Variants in GRIA1 observed in about 807,000 individuals in gnomAD.
GRIA1 encodes the protein glutamate receptor 1.
GRIA1 carries 31 observed loss-of-function variants against 99.2 expected under a neutral mutation model. The observed-to-expected ratio is 0.31, with a 90% CI of 0.23 to 0.42. The LOEUF is 0.42. Among genes scored for constraint, GRIA1 ranks in the 10% least tolerant of loss-of-function variants. The pLI is 1.00. For synonymous variants in GRIA1, 438 were observed against 432.4 expected, an observed-to-expected ratio of 1.01 and a Z score of -0.16; for missense variants, 782 against 1,157.5, an observed-to-expected ratio of 0.68 and a Z score of 4.71.
At chr5:153,672,486 G>A (rs909205535) in intron 5 of GRIA1, among the ~76,000 whole-genome samples, 1 of 152,114 alleles carries the variant, frequency 6.6e-6, no homozygotes, top group African/African-American at 2.4e-5. Flanking sequence ...AAATGGAAAG[G>A]AGCCAGACAG....
At chr5:153,777,500 C>T (rs2149630660) in intron 13 of GRIA1, among the ~76,000 whole-genome samples, 1 of 152,228 alleles carries the variant, frequency 6.6e-6, no homozygotes, top group East Asian at 1.9e-4. Flanking sequence ...TGTGCAGCTG[C>T]TTTGATGATC....
intron 2 of GRIA1, among the ~76,000 whole-genome samples, chr5:153,502,205 G>A (rs1218648582): frequency 2.6e-5 from 4 of 152,140 alleles, no homozygotes; most frequent in Admixed American, 6.5e-5. Flanking sequence ...ACTTGAACAC[G>A]TGTCTTACCT....
chr5:153,766,661 G>T (rs925144342), intron 12 of GRIA1, among the ~76,000 whole-genome samples: 3 of 152,166 alleles, frequency 2.0e-5, no homozygotes, highest in Non-Finnish European at 4.4e-5. Context: ...TCTTAATGTG[G>T]TGGTGTCATT....
chr5:153,538,558 G>T (rs1485355357), intron 2 of GRIA1, among the ~76,000 whole-genome samples: 1 of 152,062 alleles, frequency 6.6e-6, no homozygotes, highest in Non-Finnish European at 1.5e-5. Flanking sequence ...AGAATAGGTG[G>T]CTCTTAGTCA....
intron 2 of GRIA1, among the ~76,000 whole-genome samples, chr5:153,633,846 A>G (rs1753148504): frequency 6.6e-6 from 1 of 152,236 alleles, no homozygotes; most frequent in Non-Finnish European, 1.5e-5. Context: ...GACATGTTTC[A>G]GTGCCTCCCA....
At chr5:153,711,587 C>A (rs1293543638) in intron 11 of GRIA1, among the ~76,000 whole-genome samples, 1 of 152,066 alleles carries the variant, frequency 6.6e-6, no homozygotes, top group African/African-American at 2.4e-5. Flanking sequence ...AAACTGAGGC[C>A]AGAGAGGGAG....
chr5:153,616,295 C>T (rs1398114616), intron 2 of GRIA1, among the ~76,000 whole-genome samples: 4 of 152,054 alleles, frequency 2.6e-5, no homozygotes, highest in African/African-American at 4.8e-5. Flanking sequence ...TTTTAGAATC[C>T]GGTGTGTTTC....
chr5:153,583,753 CA>C, intron 2 of GRIA1, among the ~76,000 whole-genome samples: 1 of 152,094 alleles, frequency 6.6e-6, no homozygotes, highest in Admixed American at 6.5e-5. Flanking sequence ...AAAAAAACTC[CA>C]CCAGTGATTG....
intron 11 of GRIA1, among the ~76,000 whole-genome samples, chr5:153,720,810 A>T (rs151085014): frequency 1.3e-5 from 2 of 152,214 alleles, no homozygotes; most frequent in Non-Finnish European, 2.9e-5. Context: ...CTGAGCCCTC[A>T]TGGCCAGTTC....
chr5:153,640,696 C>T (rs183191312), intron 2 of GRIA1, among the ~76,000 whole-genome samples: 1 of 152,280 alleles, frequency 6.6e-6, no homozygotes, highest in African/African-American at 2.4e-5. Context: ...CTTTATTTTC[C>T]TTAATGTAAA....
chr5:153,559,966 CTACAAAGTTTGCTGTT>C (rs1760980201), intron 2 of GRIA1, among the ~76,000 whole-genome samples: 1 of 151,986 alleles, frequency 6.6e-6, no homozygotes, highest in Admixed American at 6.6e-5. Flanking sequence ...TGGCTTTATC[CTACAAAGTTTGCTGTT>C]TACAAAGTTT....
intron 2 of GRIA1, among the ~76,000 whole-genome samples, chr5:153,603,079 C>G (rs905323732): frequency 6.6e-6 from 1 of 151,026 alleles, no homozygotes; most frequent in South Asian, 2.1e-4. Context: ...CCTGTCCCCC[C>G]ACCCCACAAC....
intron 14 of GRIA1, among the ~76,000 whole-genome samples, chr5:153,800,840 C>T (rs750011896): frequency 5.9e-5 from 9 of 152,330 alleles, no homozygotes; most frequent in Admixed American, 2.6e-4. Flanking sequence ...AGACGTCAGT[C>T]GAAGAGTCTC....
At chr5:153,667,137 C>T (rs1362760426) in intron 5 of GRIA1, among the ~76,000 whole-genome samples, 1 of 152,170 alleles carries the variant, frequency 6.6e-6, no homozygotes, top group Non-Finnish European at 1.5e-5. Context: ...GTATACAGTA[C>T]AAGTTCTTTG....
At chr5:153,696,547 ATTG>A (rs948288350) in intron 8 of GRIA1, among the ~76,000 whole-genome samples, 131 of 152,332 alleles carry the variant, frequency 8.6e-4, no homozygotes, top group East Asian at 5.8e-4. Context: ...GCTGGCAATT[ATTG>A]TTGTTAATGG....
chr5:153,699,039 C>T lies in GRIA1; in HGVS notation c.1418C>T (p.Ala473Val). The T allele has an allele frequency of 6.2e-7, 1 of 1,613,858 alleles. No individual in the cohort carries two copies. The highest frequency in any genetic ancestry group is 8.5e-7 in the Non-Finnish European group (1 of 1,179,844). Residue 473 changes from alanine to valine, a missense_variant, in exon 10 of 16, where the codon GCC becomes GTC. Physicochemically the swap from Ala to Val is moderately conservative, Grantham distance 64 (BLOSUM62 0). Transcript: ENST00000285900. ...KYGARDPDTK[A>V]WNGMVGELVY... ...GGAGCCCGAGACCCTGACACGAAGGCCTGGAATGGCATGGTGGGAGAGCTG... is the reference window on the plus strand; with the variant it reads ...GGAGCCCGAGACCCTGACACGAAGGTCTGGAATGGCATGGTGGGAGAGCTG...
chr5:153,630,139 G>A lies in GRIA1; in HGVS notation c.221-16789G>A, dbSNP rs143493993. Among the ~76,000 whole-genome samples, 4 of 152,248 alleles carry A rather than the reference G, an allele frequency of 2.6e-5. No individual in the cohort carries two copies. The East Asian group carries it at 7.7e-4, about 29-fold the overall frequency. ...ATAATAAAGTACACCCTCTTAAGCT[G>A]TTACAGAGATTAAAAGAATTGATGA... On this transcript the variant is annotated intron_variant, in intron 2 of 15. Transcript: ENST00000285900.
At chr5:153,540,528 G>A (rs1472682165) in intron 2 of GRIA1, among the ~76,000 whole-genome samples, 2 of 152,134 alleles carry the variant, frequency 1.3e-5, no homozygotes, top group Non-Finnish European at 2.9e-5. Context: ...TCCCATGGTT[G>A]GCCAACTGGT....
chr5:153,712,808 G>A (rs1759411594), intron 11 of GRIA1, among the ~76,000 whole-genome samples: 1 of 152,198 alleles, frequency 6.6e-6, no homozygotes, highest in Non-Finnish European at 1.5e-5. Flanking sequence ...ACTAGGCATG[G>A]GGGTTTCTGC....
Sources: allele counts gnomAD v4.1 joint callset (sites outside exome capture counted in the v4.1 genomes callset), GRCh38; gene constraint gnomAD v4.1.1; transcripts MANE v1.5; gene names NCBI Gene and HGNC (gene_info 2026-07-23, HGNC 2026-07-21).